The following SLC2A13 variants were observed in gnomAD, a reference collection of about 807,000 sequenced individuals.
SLC2A13 encodes proton myo-inositol cotransporter.
A neutral mutation model predicts 64.4 loss-of-function variants in SLC2A13; 32 were observed. The ratio of observed to expected loss-of-function variants is 0.50; its 90% CI spans 0.37 to 0.67. The LOEUF is 0.67. Ranked by LOEUF, SLC2A13 falls within the 30% of genes least tolerant of loss-of-function variation. The pLI is 0.00. For synonymous variants in SLC2A13, 338 were observed against 327.1 expected, an observed-to-expected ratio of 1.03 and a Z score of -0.36; for missense variants, 743 against 829.2, an observed-to-expected ratio of 0.90 and a Z score of 1.28.
chr12:39,822,165 C>A (rs1477101881), intron 7 of SLC2A13, among the ~76,000 whole-genome samples: 1 of 147,256 alleles, frequency 6.8e-6, no homozygotes, highest in Non-Finnish European at 1.5e-5. Flanking sequence ...TGAGAATATG[C>A]GGTGTTTGGT....
intron 7 of SLC2A13, among the ~76,000 whole-genome samples, chr12:39,823,330 C>T (rs1942577890): frequency 6.6e-6 from 1 of 152,086 alleles, no homozygotes; most frequent in Non-Finnish European, 1.5e-5. Flanking sequence ...ATGTGACTAA[C>T]TGATAAAAAT....
intron 9 of SLC2A13, among the ~76,000 whole-genome samples, chr12:39,761,713 C>T (rs369996491): frequency 1.2e-3 from 188 of 151,972 alleles, no homozygotes; most frequent in South Asian, 1.9e-3. Flanking sequence ...GAAATGGAAT[C>T]TTTAGCAGGG....
intron 7 of SLC2A13, among the ~76,000 whole-genome samples, chr12:39,807,425 G>C (rs1942013907): frequency 6.6e-6 from 1 of 152,202 alleles, no homozygotes; most frequent in African/African-American, 2.4e-5. Flanking sequence ...AATTATGCAA[G>C]TTGTTATTCA....
intron 3 of SLC2A13, among the ~76,000 whole-genome samples, chr12:39,964,363 A>G (rs1946468362): frequency 6.6e-6 from 1 of 152,226 alleles, no homozygotes; most frequent in Non-Finnish European, 1.5e-5. Flanking sequence ...TAAGTTCTCC[A>G]AAATGTGGTA....
At chr12:39,999,188 T>C (rs1415253494) in intron 3 of SLC2A13, among the ~76,000 whole-genome samples, 1 of 152,172 alleles carries the variant, frequency 6.6e-6, no homozygotes, top group African/African-American at 2.4e-5. Context: ...ACAAATTGAT[T>C]GTAAAACATG....
At chr12:39,999,255 T>G (rs1591993313) in intron 3 of SLC2A13, among the ~76,000 whole-genome samples, 1 of 152,050 alleles carries the variant, frequency 6.6e-6, no homozygotes, top group African/African-American at 2.4e-5. Context: ...TAACAGCGAT[T>G]TTAGGGAACA....
chr12:39,768,141 C>T (rs1940430213), intron 7 of SLC2A13, among the ~76,000 whole-genome samples: 1 of 152,072 alleles, frequency 6.6e-6, no homozygotes, highest in Non-Finnish European at 1.5e-5. Flanking sequence ...TTCCTTAAAC[C>T]TCATGAACCA....
At chr12:39,763,258 A>G (rs1232959078) in intron 9 of SLC2A13, among the ~76,000 whole-genome samples, 2 of 152,104 alleles carry the variant, frequency 1.3e-5, no homozygotes, top group Non-Finnish European at 2.9e-5. Flanking sequence ...AATATTTCAA[A>G]TGTCTTAAGT....
At chr12:39,973,003 T>C (rs1033334950) in intron 3 of SLC2A13, among the ~76,000 whole-genome samples, 4 of 151,040 alleles carry the variant, frequency 2.6e-5, no homozygotes, top group African/African-American at 9.7e-5. Context: ...GCAGGTGGAG[T>C]CTGCAGTGAG....
intron 4 of SLC2A13, among the ~76,000 whole-genome samples, chr12:39,878,545 T>A (rs546019456): frequency 2.8e-4 from 42 of 152,288 alleles, no homozygotes; most frequent in Non-Finnish European, 4.3e-4. Flanking sequence ...AGCTTGAGCT[T>A]GAGATTGATT....
chr12:39,887,989 C>G (rs554570587), intron 4 of SLC2A13, among the ~76,000 whole-genome samples: 1 of 152,144 alleles, frequency 6.6e-6, no homozygotes, highest in Admixed American at 6.5e-5. Flanking sequence ...ATCACCACCC[C>G]ACTCTCAGCC....
intron 3 of SLC2A13, among the ~76,000 whole-genome samples, chr12:40,022,759 A>G (rs1947741574): frequency 6.6e-6 from 1 of 151,844 alleles, no homozygotes; most frequent in Non-Finnish European, 1.5e-5. Flanking sequence ...AATCACTTGA[A>G]CCCAGGAGGC....
chr12:39,874,417 C>A (rs1172423130), intron 4 of SLC2A13, among the ~76,000 whole-genome samples: 3 of 152,072 alleles, frequency 2.0e-5, no homozygotes, highest in African/African-American at 7.2e-5. Context: ...AGTTCAAAAC[C>A]AGCCTGGCCA....
intron 4 of SLC2A13, among the ~76,000 whole-genome samples, chr12:39,913,070 ATAAGG>A (rs898150156): frequency 2.0e-5 from 3 of 152,084 alleles, no homozygotes; most frequent in African/African-American, 7.3e-5. Flanking sequence ...AAGCCAAGAG[ATAAGG>A]TAACCAATGG....
At chr12:40,049,475 C>A (rs1190926163) in intron 1 of SLC2A13, among the ~76,000 whole-genome samples, 3 of 152,072 alleles carry the variant, frequency 2.0e-5, no homozygotes, top group Non-Finnish European at 2.9e-5. Context: ...CAGCAAGTGA[C>A]ATTTCTCTAT....
intron 1 of SLC2A13, among the ~76,000 whole-genome samples, chr12:40,065,974 T>C (rs1937702338): frequency 6.6e-6 from 1 of 152,200 alleles, no homozygotes; most frequent in Non-Finnish European, 1.5e-5. Flanking sequence ...AATATTCATG[T>C]TTATGTGGCT....
chr12:39,792,636 A>G (rs35154314), intron 7 of SLC2A13, among the ~76,000 whole-genome samples: 20,774 of 152,156 alleles, frequency 0.14, 1,953 homozygotes, highest in Middle Eastern at 0.18. Flanking sequence ...TGTGGATACC[A>G]AAACCCACAC....
At chr12:39,830,387 G>A in intron 6 of SLC2A13, 159 bp from the exon 7 acceptor site, 3 of 1,387,450 alleles carry the variant, frequency 2.2e-6, no homozygotes, top group Non-Finnish European at 2.8e-6. Context: ...CGCTGAGCCA[G>A]GTGAGAGCTG....
At chr12:39,770,109 C>G (rs1592119392) in intron 7 of SLC2A13, among the ~76,000 whole-genome samples, 1 of 152,164 alleles carries the variant, frequency 6.6e-6, no homozygotes, top group Non-Finnish European at 1.5e-5. Context: ...TTGCCTCTTC[C>G]TCTTCTCAAC....
Sources: allele counts gnomAD v4.1 joint callset (sites outside exome capture counted in the v4.1 genomes callset), GRCh38; gene constraint gnomAD v4.1.1; transcripts MANE v1.5; gene names NCBI Gene and HGNC (gene_info 2026-07-23, HGNC 2026-07-21).